CELA1: variants seen among roughly 807,000 people sequenced by gnomAD.
CELA1 encodes the protein chymotrypsin like elastase 1, also known as chymotrypsin-like elastase family member 1.
Under a neutral mutation model 34.8 loss-of-function variants are expected in CELA1, and 28 were observed. The observed-to-expected ratio is 0.80, with a 90% CI of 0.60 to 1.10. The LOEUF is 1.10. Ranked by LOEUF, CELA1 falls within the 50% of genes least tolerant of loss-of-function variation. The pLI, the probability that CELA1 is intolerant of heterozygous loss-of-function variation, is 0.00. For synonymous variants in CELA1, 140 were observed against 129.8 expected, an observed-to-expected ratio of 1.08 and a Z score of -0.53; for missense variants, 288 against 327.5, an observed-to-expected ratio of 0.88 and a Z score of 0.93.
intron 7 of CELA1, among the ~76,000 whole-genome samples, chr12:51,328,845 G>C (rs1272192875): frequency 6.6e-6 from 1 of 152,198 alleles, no homozygotes; most frequent in East Asian, 1.9e-4. Flanking sequence ...CAAGGCTCCA[G>C]AATGTGTTTG....
chr12:51,332,212 A>C (rs1338563471), intron 6 of CELA1, among the ~76,000 whole-genome samples: 1 of 151,740 alleles, frequency 6.6e-6, no homozygotes, highest in Non-Finnish European at 1.5e-5. Flanking sequence ...AAAGTTATGC[A>C]GCAAATGAAA....
At chr12:51,340,047 G>A in intron 5 of CELA1, 42 bp from the exon 6 acceptor site, 1 of 1,578,188 alleles carries the variant, frequency 6.3e-7, no homozygotes, top group Non-Finnish European at 8.6e-7. Flanking sequence ...TCCAGATGTG[G>A]TCCAGCAGAA....
At chr12:51,341,164 A>G in intron 5 of CELA1, 80 bp downstream of exon 5, 1 of 1,498,282 alleles carries the variant, frequency 6.7e-7, no homozygotes, top group South Asian at 1.1e-5. Flanking sequence ...AGCACCTAGG[A>G]CCACAGAAAA....
chr12:51,339,788 G>A (rs1289023668), intron 6 of CELA1, 72 bp downstream of exon 6: 1 of 1,477,058 alleles, frequency 6.8e-7, no homozygotes, highest in Non-Finnish European at 9.3e-7. Flanking sequence ...CGAATAGGGA[G>A]GTGAGGAAGA....
chr12:51,342,523 G>A (rs1946542310), intron 4 of CELA1, 52 bp downstream of exon 4: 2 of 1,612,464 alleles, frequency 1.2e-6, no homozygotes, highest in South Asian at 2.2e-5. Context: ...GCCAGTTGTT[G>A]GCTAGTCAGG....
chr12:51,340,060 A>G (rs1341233127), intron 5 of CELA1, 55 bp from the exon 6 acceptor site: 3 of 1,517,262 alleles, frequency 2.0e-6, no homozygotes, highest in Non-Finnish European at 2.7e-6. Flanking sequence ...CAGCAGAAAA[A>G]CCTTCCACCC....
intron 7 of CELA1, 57 bp downstream of exon 7, chr12:51,329,627 G>C: frequency 6.7e-7 from 1 of 1,486,372 alleles, no homozygotes; most frequent in Non-Finnish European, 9.0e-7. Context: ...CCCCAACCCA[G>C]CCAGTGCGTA....
chr12:51,336,470 T>G (rs969939584), intron 6 of CELA1, among the ~76,000 whole-genome samples: 5 of 152,022 alleles, frequency 3.3e-5, no homozygotes, highest in African/African-American at 1.2e-4. Flanking sequence ...CTACTAAAAA[T>G]ACAAAAATTA....
At position 51,345,931 on chromosome 12, in the gene CELA1, G is replaced by C. The variant is rs776129085; in HGVS notation, c.17-54C>G. ...TGACTAAGCATGGGGTCAGCCAGGGGTAGGGGTGGGGGGTGGCGATTGTGC... is the reference window on the plus strand; with the variant it reads ...TGACTAAGCATGGGGTCAGCCAGGGCTAGGGGTGGGGGGTGGCGATTGTGC... On this transcript the variant is annotated intron_variant, in intron 1 of 7. Transcript: ENST00000293636. 331 of 1,256,910 alleles carry C rather than the reference G, an allele frequency of 2.6e-4. 1 individual carries two copies. Among genetic ancestry groups the C allele is most frequent in the Non-Finnish European group, 3.5e-4 (314 of 886,008 alleles). 77.9% of individuals were successfully genotyped at this position (1,256,910 alleles called of 1,614,324 possible).
At chr12:51,345,538 C>T (rs560515900) in intron 2 of CELA1, among the ~76,000 whole-genome samples, 2 of 152,282 alleles carry the variant, frequency 1.3e-5, no homozygotes, top group East Asian at 1.9e-4. Context: ...CAAGTGCTGT[C>T]GCTGAGAATA....
At chr12:51,333,256 G>C (rs1946481373) in intron 6 of CELA1, among the ~76,000 whole-genome samples, 1 of 151,214 alleles carries the variant, frequency 6.6e-6, no homozygotes, top group Admixed American at 6.6e-5. Flanking sequence ...CACCACACCT[G>C]GCTAATTTTG....
Position 51,342,577 on chromosome 12 carries a change from G to T in CELA1, c.324C>A (p.Ala108=). The change falls in exon 4 of 8, where the codon GCC becomes GCA. Residue 108 remains alanine (A), a splice_region_variant and synonymous_variant. Transcript: ENST00000293636. ...GGCCAGCTTGGACTTGCTCCTACCC[G>T]GCAGCCACGTTATCGCTGTTCCAGT... ...HPYWNSDNVA[A]GYDIALLRLA... is the part of the protein sequence containing the mutation. 6.2e-7 allele frequency: 1 copy of T among 1,614,086 alleles called. No homozygotes were observed. The highest frequency in any genetic ancestry group is 8.5e-7 in the Non-Finnish European group (1 of 1,179,992).
At chr12:51,328,968 T>C (rs1399302390) in intron 7 of CELA1, among the ~76,000 whole-genome samples, 1 of 152,040 alleles carries the variant, frequency 6.6e-6, no homozygotes, top group Non-Finnish European at 1.5e-5. Flanking sequence ...TGTCAAAAAT[T>C]AGAGCAGGCC....
Position 51,329,696 on chromosome 12 carries a change from G to C in CELA1, c.747C>G (p.Ser249=), listed in dbSNP as rs375538320. 6.2e-5 allele frequency: 100 copies of C among 1,610,994 alleles called. No homozygotes were observed. The highest frequency in any genetic ancestry group is 8.3e-5 in the Non-Finnish European group (98 of 1,178,930). ...TVFTQVSAYI[S]WINNVIASN ...TGAGAGGACTCACATTATTTATCCA[G>C]GAGATGTAAGCAGAGACCTGGGTGA... Residue 249 remains serine (S), a synonymous_variant, in exon 7 of 8, where the codon TCC becomes TCG. Transcript: ENST00000293636.
chr12:51,346,578 C>G (rs1437931096), intron 1 of CELA1, 45 bp downstream of exon 1: 1 of 1,557,206 alleles, frequency 6.4e-7, no homozygotes, highest in South Asian at 1.1e-5. Flanking sequence ...ACATGATCCA[C>G]TTACCATAAA....
intron 2 of CELA1, among the ~76,000 whole-genome samples, chr12:51,345,415 C>T (rs998838804): frequency 5.3e-5 from 8 of 152,178 alleles, no homozygotes; most frequent in Non-Finnish European, 1.2e-4. Context: ...TGTGTGTGCG[C>T]GCACATGCGT....
chr12:51,342,327 G>A (rs1946541436), intron 4 of CELA1, among the ~76,000 whole-genome samples: 1 of 152,150 alleles, frequency 6.6e-6, no homozygotes, highest in Admixed American at 6.6e-5. Context: ...GAGCCACTGT[G>A]CCTGGCTCAG....
intron 7 of CELA1, among the ~76,000 whole-genome samples, chr12:51,329,367 G>C (rs1391002827): frequency 1.3e-5 from 2 of 151,970 alleles, no homozygotes; most frequent in Non-Finnish European, 2.9e-5. Flanking sequence ...AGGCCTTTCT[G>C]AACCTGTTTT....
intron 6 of CELA1, among the ~76,000 whole-genome samples, chr12:51,330,496 T>C (rs1946463260): frequency 6.6e-6 from 1 of 152,152 alleles, no homozygotes; most frequent in Non-Finnish European, 1.5e-5. Context: ...AGGAAAGACC[T>C]AAAGATACTG....
Sources: allele counts gnomAD v4.1 joint callset (sites outside exome capture counted in the v4.1 genomes callset), GRCh38; gene constraint gnomAD v4.1.1; transcripts MANE v1.5; gene names NCBI Gene and HGNC (gene_info 2026-07-23, HGNC 2026-07-21).